The following MBTPS1 variants were observed in gnomAD, a reference collection of about 807,000 sequenced individuals.
MBTPS1 encodes membrane-bound transcription factor site-1 protease.
A neutral mutation model predicts 127.8 loss-of-function variants in MBTPS1; 94 were observed. The ratio of observed to expected loss-of-function variants is 0.74; its 90% CI spans 0.62 to 0.87. The LOEUF (loss-of-function observed/expected upper bound fraction) is 0.87. Among genes scored for constraint, MBTPS1 ranks in the 40% least tolerant of loss-of-function variants. The pLI is 0.00. For missense variants in MBTPS1, 1,636 were observed against 1,353.2 expected (o/e 1.21, Z -3.28); for synonymous variants, 632 against 509.4 (o/e 1.24, Z -3.24).
chr16:84,101,535 T>C lies in MBTPS1; in HGVS notation c.163+86A>G. 7.8e-6 allele frequency: 9 copies of C among 1,154,234 alleles called. No homozygotes were observed. In the South Asian group the frequency reaches 1.1e-4, roughly 15 times the overall value. The allele number at this position is 1,154,234 out of a possible 1,614,324, so 71.5% of individuals were successfully genotyped here. A position where few individuals can be genotyped will look rare whatever the true frequency, so the allele number is the denominator to read the frequency against. On this transcript the variant is annotated intron_variant, in intron 2 of 22. Coordinates refer to ENST00000343411, the MANE Select transcript of MBTPS1 (RefSeq NM_003791.4). The stretch of plus-strand genomic sequence containing the variant: ...AAATTTACTGTAGAAAAGAGGAACA[T>C]GTTATTCAGCAATAGCTAATTTTAT...
intron 11 of MBTPS1, among the ~76,000 whole-genome samples, chr16:84,077,096 T>C (rs1259364298): frequency 6.6e-6 from 1 of 151,848 alleles, no homozygotes; most frequent in African/African-American, 2.4e-5. Context: ...CATGGGGGTA[T>C]GTACCTGCAG....
chr16:84,075,920 A>T (rs924795681), intron 11 of MBTPS1, among the ~76,000 whole-genome samples: 1 of 152,246 alleles, frequency 6.6e-6, no homozygotes, highest in Non-Finnish European at 1.5e-5. Flanking sequence ...TGTGACTACA[A>T]TTGTATGCAT....
At chr16:84,096,566 T>C (rs931520515) in intron 3 of MBTPS1, among the ~76,000 whole-genome samples, 2 of 152,202 alleles carry the variant, frequency 1.3e-5, no homozygotes, top group African/African-American at 2.4e-5. Context: ...TCAAAGACCA[T>C]GTTATAATGA....
rs1174060904 is a variant in MBTPS1 at position 84,099,748 on chromosome 16, GC to G, written c.164-439del. Among the ~76,000 whole-genome samples, 132 of 149,770 alleles carry G rather than the reference GC, an allele frequency of 8.8e-4. 2 individuals are homozygous for G. Among genetic ancestry groups the G allele is most frequent in the Non-Finnish European group, 4.1e-4 (28 of 67,776 alleles). Reference sequence around the variant, plus strand: ...GCAGAGATTGCACCACTGCACTCCTGCCTGGTGACAGAGCAAGCCTCCGTCT... The same window carrying G: ...GCAGAGATTGCACCACTGCACTCCTGCTGGTGACAGAGCAAGCCTCCGTCT... On this transcript the variant is annotated intron_variant, in intron 2 of 22. Coordinates refer to ENST00000343411, the MANE Select transcript of MBTPS1 (RefSeq NM_003791.4).
At chr16:84,114,923 G>GA (rs2086450902) in intron 1 of MBTPS1, among the ~76,000 whole-genome samples, 1 of 150,556 alleles carries the variant, frequency 6.6e-6, no homozygotes. Flanking sequence ...AGTCTTCCAA[G>GA]TTTTTTTTTG....
At chr16:84,102,768 C>T (rs964658459) in intron 1 of MBTPS1, among the ~76,000 whole-genome samples, 1 of 152,176 alleles carries the variant, frequency 6.6e-6, no homozygotes, top group Non-Finnish European at 1.5e-5. Flanking sequence ...AAAGTAATTT[C>T]CCTATCAGTG....
Position 84,054,562 on chromosome 16 carries a change from A to G in MBTPS1, c.3046T>C (p.Phe1016Leu), listed in dbSNP as rs771638933. Residue 1016 changes from phenylalanine (F) to leucine (L), a missense_variant, in exon 23 of 23, where the codon TTC (phenylalanine) becomes CTC (leucine). Transcript: ENST00000343411. ...GCCTTGTTGATTTGTACCACAAAGA[A>G]GGCCAGGACCACCATGGCTCCCAGG... Reference protein sequence around the residue: ...AFLGAMVVLAFFVVQINKAKS... With the variant: ...AFLGAMVVLALFVVQINKAKS... 1 of 1,614,000 alleles carries G rather than the reference A, an allele frequency of 6.2e-7. No individual in the cohort carries two copies. The highest frequency in any genetic ancestry group is 8.5e-7 in the Non-Finnish European group (1 of 1,179,922).
At chr16:84,055,931 T>G (rs1003950944) in intron 22 of MBTPS1, 74 bp downstream of exon 22, 6 of 1,528,464 alleles carry the variant, frequency 3.9e-6, no homozygotes, top group African/African-American at 2.7e-5. Flanking sequence ...GCCCGCCTCC[T>G]GGGGAGGGAG....
intron 1 of MBTPS1, among the ~76,000 whole-genome samples, chr16:84,104,354 C>T (rs997075133): frequency 2.6e-5 from 4 of 151,944 alleles, no homozygotes; most frequent in Admixed American, 6.6e-5. Flanking sequence ...CATGGTGGCG[C>T]GCCTATAGTC....
intron 3 of MBTPS1, among the ~76,000 whole-genome samples, chr16:84,097,588 G>A (rs977065914): frequency 1.3e-5 from 2 of 152,188 alleles, no homozygotes; most frequent in African/African-American, 4.8e-5. Flanking sequence ...GCAACTCCGT[G>A]TCTCCTAAAG....
At position 84,070,040 on chromosome 16, in the gene MBTPS1, TAA is replaced by T; in HGVS notation, c.1783-4_1783-3del. 6.5e-7 allele frequency: 1 copy of T among 1,532,776 alleles called. No homozygotes were observed. The highest frequency in any genetic ancestry group is 2.3e-5 in the East Asian group (1 of 43,094). 94.9% of individuals were successfully genotyped at this position (1,532,776 alleles called of 1,614,324 possible). The stretch of plus-strand genomic sequence containing the variant: ...AGTCTGTTCTGCACCATTTTTTGAC[TAA>T]AAAAAAAGAAAAGAAACTTGAAACG... On this transcript the variant is annotated splice_region_variant and splice_polypyrimidine_tract_variant and intron_variant, in intron 13 of 22. Transcript: ENST00000343411.
At chr16:84,087,738 C>T (rs756310709) in intron 8 of MBTPS1, among the ~76,000 whole-genome samples, 2 of 152,156 alleles carry the variant, frequency 1.3e-5, no homozygotes, top group Non-Finnish European at 2.9e-5. Flanking sequence ...TCAAGGCTCA[C>T]GTTTTCCCTC....
In MBTPS1 at chr16:84,099,274, T is replaced by C. The variant is rs756855374; in HGVS notation, c.200A>G (p.Lys67Arg). Reference protein sequence around the residue: ...IVAFNGYFTAKARNSFISSAL... With the variant: ...IVAFNGYFTARARNSFISSAL... ...ACTTGAAATAAATGAATTTCTAGCT[T>C]TGGCTGTAAAGTATCCATTGAAAGC... The change falls in exon 3 of 23, where the codon AAA becomes AGA. Residue 67 changes from lysine (K) to arginine (R), a missense_variant. Physicochemically the swap from Lys to Arg is conservative, Grantham distance 26 (BLOSUM62 2). Coordinates refer to ENST00000343411, the MANE Select transcript of MBTPS1 (RefSeq NM_003791.4). The C allele has an allele frequency of 1.9e-6, 3 of 1,614,034 alleles. No homozygotes were observed. The African/African-American group carries it at 4.0e-5, about 22-fold the overall frequency.
chr16:84,062,685 A>C (rs1262213521), intron 19 of MBTPS1, among the ~76,000 whole-genome samples: 1 of 152,158 alleles, frequency 6.6e-6, no homozygotes, highest in Non-Finnish European at 1.5e-5. Flanking sequence ...TCTCCCCTTT[A>C]CAAAATGAGA....
intron 22 of MBTPS1, 103 bp from the exon 23 acceptor site, chr16:84,054,748 T>C (rs1392225846): frequency 1.2e-6 from 1 of 854,874 alleles, no homozygotes; most frequent in East Asian, 2.9e-5. Flanking sequence ...TGCGAGCTAA[T>C]TTCACTAGCT....
At chr16:84,060,605 C>G in intron 20 of MBTPS1, 77 bp downstream of exon 20, 1 of 1,528,532 alleles carries the variant, frequency 6.5e-7, no homozygotes, top group Non-Finnish European at 8.9e-7. Flanking sequence ...TGCTGGCAGG[C>G]ACAGCCACTG....
At chr16:84,066,647 G>A (rs1002008387) in intron 16 of MBTPS1, 34 bp from the exon 17 acceptor site, 1 of 1,610,508 alleles carries the variant, frequency 6.2e-7, no homozygotes, top group East Asian at 2.2e-5. Flanking sequence ...CAGGGAACAG[G>A]GAATGAAGAC....
chr16:84,087,762 C>G lies in MBTPS1; in HGVS notation c.1032-302G>C, dbSNP rs1294956744. 2.0e-5 allele frequency among the ~76,000 whole-genome samples: 3 copies of G among 152,178 alleles called. No homozygotes were observed. The East Asian group carries it at 5.8e-4, about 29-fold the overall frequency. The stretch of plus-strand genomic sequence containing the variant: ...ACGTTTTCCCTCCAGCAATCCAAGC[C>G]TTAAGCATCTGTACTTGCCTTGAAC... On this transcript the variant is annotated intron_variant, in intron 8 of 22. Coordinates refer to ENST00000343411, the MANE Select transcript of MBTPS1 (RefSeq NM_003791.4).
intron 11 of MBTPS1, among the ~76,000 whole-genome samples, chr16:84,081,301 C>T (rs117223820): frequency 0.018 from 2,728 of 152,284 alleles, 54 homozygotes; most frequent in Middle Eastern, 0.024. Context: ...CAGGAGCTGG[C>T]GAGATGTATG....
Sources: allele counts gnomAD v4.1 joint callset (sites outside exome capture counted in the v4.1 genomes callset), GRCh38; gene constraint gnomAD v4.1.1; transcripts MANE v1.5; gene names NCBI Gene and HGNC (gene_info 2026-07-23, HGNC 2026-07-21).